Variants in ASH2L observed in about 807,000 individuals in gnomAD.
The protein encoded by ASH2L is ASH2 like, histone lysine methyltransferase complex subunit, also known as set1/Ash2 histone methyltransferase complex subunit ASH2.
In ASH2L, 30 loss-of-function variants were observed where a neutral mutation model predicts 81.1. The observed-to-expected ratio is 0.37, with a 90% CI of 0.28 to 0.50. The LOEUF (loss-of-function observed/expected upper bound fraction) is 0.50, where lower values mean the gene tolerates loss of function less well. Among genes scored for constraint, ASH2L ranks in the 20% least tolerant of loss-of-function variants. The pLI, the probability that ASH2L is intolerant of heterozygous loss-of-function variation, is 0.95. For missense variants in ASH2L, 559 were observed against 792.1 expected, an observed-to-expected ratio of 0.71 and a Z score of 3.53; for synonymous variants, 273 against 279.9, an observed-to-expected ratio of 0.98 and a Z score of 0.24.
chr8:38,111,783 G>A (rs1200384553), intron 5 of ASH2L, among the ~76,000 whole-genome samples: 1 of 151,994 alleles, frequency 6.6e-6, no homozygotes, highest in Non-Finnish European at 1.5e-5. Flanking sequence ...TACATTGTGG[G>A]TACACTTTAC....
chr8:38,116,506 C>G, intron 7 of ASH2L, 144 bp from the exon 8 acceptor site: 1 of 668,216 alleles, frequency 1.5e-6, no homozygotes, highest in South Asian at 1.8e-5. Flanking sequence ...GTACTACAGA[C>G]TGGGCAATAG....
In ASH2L at chr8:38,119,378, C is replaced by G; in HGVS notation, c.947+15C>G. 6.6e-7 allele frequency: 1 copy of G among 1,506,564 alleles called. No individual in the cohort carries two copies. Among genetic ancestry groups the G allele is most frequent in the South Asian group, 1.2e-5 (1 of 80,116 alleles). The allele number at this position is 1,506,564 out of a possible 1,614,324, so 93.3% of individuals were successfully genotyped here. ...AAGGCCCGGAGGTGGGGAGAGTGCC[C>G]ACCCTGCCCCCCTCACTATTTAAGT... On this transcript the variant is annotated intron_variant, in intron 9 of 15. Coordinates refer to ENST00000343823, the MANE Select transcript of ASH2L (RefSeq NM_004674.5).
At chr8:38,133,415 A>G (rs1404476409) in intron 12 of ASH2L, 39 bp from the exon 13 acceptor site, 1 of 1,451,790 alleles carries the variant, frequency 6.9e-7, no homozygotes, top group Non-Finnish European at 9.5e-7. Context: ...GATGGAGCTG[A>G]TGCTTTATTG....
upstream of ASH2L, chr8:38,105,508 G>GA: frequency 6.7e-7 from 1 of 1,495,894 alleles, no homozygotes; most frequent in Non-Finnish European, 8.9e-7. Context: ...CAACGCGCGC[G>GA]AGAGAAGAGA....
intron 12 of ASH2L, among the ~76,000 whole-genome samples, chr8:38,129,578 C>T (rs1038440165): frequency 5.9e-5 from 9 of 152,092 alleles, no homozygotes; most frequent in African/African-American, 2.2e-4. Context: ...CCACTGCACT[C>T]CCCCCAAAAA....
At chr8:38,133,578 T>C (rs1802144966) in intron 13 of ASH2L, 32 bp downstream of exon 13, 1 of 1,514,352 alleles carries the variant, frequency 6.6e-7, no homozygotes, top group Non-Finnish European at 9.0e-7. Context: ...ATTAGAATCA[T>C]AAGGCCTTGA....
chr8:38,116,610 C>G (rs753557869), intron 7 of ASH2L, 40 bp from the exon 8 acceptor site: 11 of 1,495,888 alleles, frequency 7.4e-6, no homozygotes, highest in African/African-American at 2.8e-5. Flanking sequence ...GATTGACTGA[C>G]TTACGTAGAC....
intron 5 of ASH2L, among the ~76,000 whole-genome samples, chr8:38,112,300 C>CTTTA (rs147185198): frequency 0.05 from 7,569 of 151,328 alleles, 253 homozygotes; most frequent in South Asian, 0.09. Flanking sequence ...CACCCAGCCC[C>CTTTA]TTTATTTATT....
chr8:38,139,071 A>AC lies in ASH2L; in HGVS notation c.*2dup. On this transcript the variant is annotated 3_prime_UTR_variant, in exon 16 of 16. Coordinates refer to ENST00000343823, the MANE Select transcript of ASH2L (RefSeq NM_004674.5). Reference sequence around the variant, plus strand: ...GGCGCAGTCCCCCATGGGAACCCTGACCAGGTCCCTCTTTTCTGTCAAGGA... The same window carrying AC: ...GGCGCAGTCCCCCATGGGAACCCTGACCCAGGTCCCTCTTTTCTGTCAAGGA... The AC allele has an allele frequency of 6.3e-7, 1 of 1,578,226 alleles. No individual in the cohort carries two copies. The highest frequency in any genetic ancestry group is 8.6e-7 in the Non-Finnish European group (1 of 1,160,900).
At chr8:38,118,735 G>A (rs1236870662) in intron 8 of ASH2L, among the ~76,000 whole-genome samples, 1 of 152,236 alleles carries the variant, frequency 6.6e-6, no homozygotes, top group African/African-American at 2.4e-5. Context: ...CATGTTGGAT[G>A]TATTTTGTCT....
chr8:38,128,770 C>G lies in ASH2L; in HGVS notation c.1346C>G (p.Ala449Gly), dbSNP rs2130555886. Reference protein sequence around the residue: ...GWSQPLGNLQAPLGYDKFSYS... With the variant: ...GWSQPLGNLQGPLGYDKFSYS... ...TTTATTGGGACAGGAAACCTTCAAG[C>G]TCCTTTAGGTTATGATAAATTTAGC... Residue 449 changes from alanine (A) to glycine (G), a missense_variant, in exon 12 of 16, where the codon GCT becomes GGT. Physicochemically the swap from Ala to Gly is moderately conservative, Grantham distance 60. Around this residue, in one of 4 missense-constraint regions of ASH2L, gnomAD observed 318 missense variants for 527.0 expected, o/e 0.60. Transcript: ENST00000343823. The G allele has an allele frequency of 6.2e-7, 1 of 1,610,780 alleles. No homozygotes were observed. Among genetic ancestry groups the G allele is most frequent in the South Asian group, 1.1e-5 (1 of 90,044 alleles).
rs374043441 is a variant in ASH2L at position 38,118,835 on chromosome 8, G to A, written c.854-435G>A. Among the ~76,000 whole-genome samples, 26 of 152,258 alleles carry A rather than the reference G, an allele frequency of 1.7e-4. No homozygotes were observed. The East Asian group carries it at 4.1e-3, about 24-fold the overall frequency. ...TGTGTAGTTCAAGCAAGTGAACATC[G>A]ACTTACAGTGAGGATATTCTCTCTT... On this transcript the variant is annotated intron_variant, in intron 8 of 15. Transcript: ENST00000343823.
intron 10 of ASH2L, among the ~76,000 whole-genome samples, chr8:38,123,916 CT>C (rs1406148557): frequency 6.6e-6 from 1 of 152,182 alleles, no homozygotes; most frequent in African/African-American, 2.4e-5. Flanking sequence ...TCTCGGCTCA[CT>C]GCAGCCTTCA....
intron 10 of ASH2L, among the ~76,000 whole-genome samples, chr8:38,121,787 A>G (rs1349136253): frequency 6.6e-6 from 1 of 152,218 alleles, no homozygotes; most frequent in African/African-American, 2.4e-5. Flanking sequence ...GTCTTATAGC[A>G]TCATCTCATG....
chr8:38,113,430 T>C (rs1199790604), intron 5 of ASH2L, among the ~76,000 whole-genome samples: 1 of 152,182 alleles, frequency 6.6e-6, no homozygotes, highest in East Asian at 1.9e-4. Flanking sequence ...CTTTGTACTT[T>C]CCCTGGTTCC....
intron 14 of ASH2L, 72 bp downstream of exon 14, chr8:38,135,838 C>G: frequency 8.1e-7 from 1 of 1,227,040 alleles, no homozygotes. Context: ...GACAAAGTTA[C>G]TGAGTGCTGG....
At chr8:38,128,999 CA>C in intron 12 of ASH2L, 48 bp downstream of exon 12, 1 of 1,583,420 alleles carries the variant, frequency 6.3e-7, no homozygotes, top group Admixed American at 1.8e-5. Context: ...AGGCCTGTGG[CA>C]GCCAGTGCTT....
At chr8:38,106,538 T>G in intron 2 of ASH2L, 94 bp downstream of exon 2, 3 of 1,074,724 alleles carry the variant, frequency 2.8e-6, no homozygotes, top group South Asian at 1.5e-5. Context: ...GACGGAGCCT[T>G]GCTCTGTCGC....
intron 12 of ASH2L, among the ~76,000 whole-genome samples, chr8:38,133,011 C>T (rs1381267460): frequency 1.3e-5 from 2 of 151,448 alleles, no homozygotes; most frequent in African/African-American, 4.9e-5. Flanking sequence ...CGCTTGAACC[C>T]GGGAGGCGGA....
Sources: allele counts gnomAD v4.1 joint callset (sites outside exome capture counted in the v4.1 genomes callset), GRCh38; gene constraint gnomAD v4.1.1; regional missense constraint gnomAD v4.1.1; transcripts MANE v1.5; gene names NCBI Gene and HGNC (gene_info 2026-07-23, HGNC 2026-07-21).